MAPK10: variants seen among roughly 807,000 people sequenced by gnomAD.
MAPK10 encodes mitogen-activated protein kinase 10.
In MAPK10, 25 loss-of-function variants were observed where a neutral mutation model predicts 59.3. The ratio of observed to expected loss-of-function variants is 0.42; its 90% CI spans 0.31 to 0.59. The LOEUF (loss-of-function observed/expected upper bound fraction) is 0.59, where lower values mean the gene tolerates loss of function less well. Ranked by LOEUF, MAPK10 falls within the 20% of genes least tolerant of loss-of-function variation. The pLI is 0.15. For missense variants in MAPK10, 351 were observed against 568.9 expected, an observed-to-expected ratio of 0.62 and a Z score of 3.90; for synonymous variants, 190 against 200.5, an observed-to-expected ratio of 0.95 and a Z score of 0.44.
chr4:86,537,469 C>G (rs1758336546), intron 1 of MAPK10, among the ~76,000 whole-genome samples: 1 of 152,100 alleles, frequency 6.6e-6, no homozygotes, highest in Non-Finnish European at 1.5e-5. Flanking sequence ...TTCTAAATAC[C>G]ATTCTTCCCC....
upstream of MAPK10, among the ~76,000 whole-genome samples, chr4:86,455,415 C>T (rs1751145061): frequency 6.6e-6 from 1 of 152,052 alleles, no homozygotes; most frequent in Non-Finnish European, 1.5e-5. Flanking sequence ...AGAGACACAC[C>T]TAACACATAA....
chr4:86,023,005 A>G lies in MAPK10; in HGVS notation c.1253-5635T>C, dbSNP rs183052358. On this transcript the variant is annotated intron_variant, in intron 13 of 13. Coordinates refer to ENST00000641462, the MANE Select transcript of MAPK10 (RefSeq NM_138982.4). Reference sequence around the variant, plus strand: ...TTGTGTTTTAGTGTCATATCTAATAAACCATTTTCTAATCCAAGATTATAA... The same window carrying G: ...TTGTGTTTTAGTGTCATATCTAATAGACCATTTTCTAATCCAAGATTATAA... Among the ~76,000 whole-genome samples the G allele has an allele frequency of 5.3e-5, 8 of 152,272 alleles. No homozygotes were observed. In the East Asian group the frequency reaches 1.5e-3, roughly 29 times the overall value.
At chr4:86,405,024 G>A (rs1405940517) in intron 1 of MAPK10, among the ~76,000 whole-genome samples, 1 of 152,156 alleles carries the variant, frequency 6.6e-6, no homozygotes, top group Non-Finnish European at 1.5e-5. Flanking sequence ...TTTGGCATGA[G>A]TCCCAACACA....
At chr4:86,501,895 G>C (rs909334947) in intron 1 of MAPK10, among the ~76,000 whole-genome samples, 1 of 151,960 alleles carries the variant, frequency 6.6e-6, no homozygotes, top group Non-Finnish European at 1.5e-5. Context: ...GGAAGATTAA[G>C]GAGACTCACA....
chr4:86,295,060 G>A (rs1307596727), intron 2 of MAPK10, among the ~76,000 whole-genome samples: 1 of 152,204 alleles, frequency 6.6e-6, no homozygotes, highest in Non-Finnish European at 1.5e-5. Context: ...ATCAAAGCCT[G>A]CTCTGCACCT....
At chr4:86,577,597 G>A (rs922125942) in intron 1 of MAPK10, among the ~76,000 whole-genome samples, 4 of 152,092 alleles carry the variant, frequency 2.6e-5, no homozygotes, top group Non-Finnish European at 5.9e-5. Flanking sequence ...TTATGTTTCT[G>A]ATAGTTTAGG....
chr4:86,134,253 T>A (rs2149149664), intron 4 of MAPK10, among the ~76,000 whole-genome samples: 1 of 152,356 alleles, frequency 6.6e-6, no homozygotes, highest in South Asian at 2.1e-4. Flanking sequence ...TCTCTACAAA[T>A]TAAGTATCTG....
chr4:86,168,352 C>A (rs965971979), intron 3 of MAPK10, among the ~76,000 whole-genome samples: 12 of 152,194 alleles, frequency 7.9e-5, no homozygotes, highest in Non-Finnish European at 1.8e-4. Flanking sequence ...CGGGTCACTC[C>A]CACCCTAATA....
intron 1 of MAPK10, among the ~76,000 whole-genome samples, chr4:86,381,303 G>A (rs994182238): frequency 1.2e-4 from 19 of 152,110 alleles, no homozygotes; most frequent in Non-Finnish European, 2.4e-4. Flanking sequence ...CAAGTCCAAA[G>A]GCAATGGGAG....
At chr4:86,488,388 T>C (rs1754193896) in intron 1 of MAPK10, among the ~76,000 whole-genome samples, 1 of 152,190 alleles carries the variant, frequency 6.6e-6, no homozygotes, top group Non-Finnish European at 1.5e-5. Flanking sequence ...TTGTTCCTGG[T>C]TTCCTCAAGC....
intron 3 of MAPK10, among the ~76,000 whole-genome samples, chr4:86,179,132 G>A (rs1258048804): frequency 2.0e-5 from 3 of 152,224 alleles, no homozygotes; most frequent in East Asian, 1.9e-4. Context: ...AACCTGGGAA[G>A]TGGAGGTTGC....
chr4:86,505,352 T>TATAA (rs1199775569), intron 1 of MAPK10, among the ~76,000 whole-genome samples: 2 of 152,130 alleles, frequency 1.3e-5, no homozygotes, highest in Non-Finnish European at 2.9e-5. Context: ...GGCTCACACC[T>TATAA]ATAATCTCAA....
intron 1 of MAPK10, among the ~76,000 whole-genome samples, chr4:86,548,346 C>T (rs750997149): frequency 4.6e-5 from 7 of 152,150 alleles, no homozygotes; most frequent in Admixed American, 2.0e-4. Flanking sequence ...GAACAAACTC[C>T]GGACATGCCA....
At chr4:86,044,418 C>CAT (rs1219224235) in intron 11 of MAPK10, 8 of 234,098 alleles carry the variant, frequency 3.4e-5, no homozygotes, top group African/African-American at 1.8e-4. Flanking sequence ...ATGATTCTAA[C>CAT]ATGCAGCAAA....
intron 1 of MAPK10, among the ~76,000 whole-genome samples, chr4:86,463,084 C>A (rs1325075141): frequency 6.6e-6 from 1 of 152,098 alleles, no homozygotes; most frequent in Non-Finnish European, 1.5e-5. Flanking sequence ...AATATTTTCC[C>A]CTTGGAATTC....
At chr4:86,216,452 G>A (rs903811170) in intron 2 of MAPK10, among the ~76,000 whole-genome samples, 3 of 151,544 alleles carry the variant, frequency 2.0e-5, no homozygotes, top group African/African-American at 4.8e-5. Flanking sequence ...AAATGGTGAA[G>A]ATGGCAAATT....
chr4:86,395,979 G>C (rs1465720903), intron 1 of MAPK10, among the ~76,000 whole-genome samples: 2 of 152,234 alleles, frequency 1.3e-5, no homozygotes, highest in Non-Finnish European at 2.9e-5. Context: ...CATTCGGTTT[G>C]TACCACATAA....
intron 4 of MAPK10, among the ~76,000 whole-genome samples, chr4:86,136,601 C>G (rs533669656): frequency 1.3e-5 from 2 of 150,554 alleles, no homozygotes; most frequent in South Asian, 4.2e-4. Flanking sequence ...TAAAGACCAC[C>G]GAGACTAGGA....
chr4:86,546,426 G>C (rs1014967487), intron 1 of MAPK10, among the ~76,000 whole-genome samples: 2 of 151,864 alleles, frequency 1.3e-5, no homozygotes, highest in South Asian at 2.1e-4. Context: ...ACATGGTGGC[G>C]TGAGCCTGTA....
Sources: allele counts gnomAD v4.1 joint callset (sites outside exome capture counted in the v4.1 genomes callset), GRCh38; gene constraint gnomAD v4.1.1; transcripts MANE v1.5; gene names NCBI Gene and HGNC (gene_info 2026-07-23, HGNC 2026-07-21).